ANKRD11: variants seen among roughly 807,000 people sequenced by gnomAD.
The protein encoded by ANKRD11 is ankyrin repeat domain-containing protein 11.
In ANKRD11, 17 loss-of-function variants were observed where a neutral mutation model predicts 195.7. That is an observed-to-expected ratio of 0.09 (90% CI 0.06 to 0.13). The LOEUF (loss-of-function observed/expected upper bound fraction) is 0.13. Among genes scored for constraint, ANKRD11 ranks in the 10% least tolerant of loss-of-function variants. ANKRD11 has a pLI of 1.00. For missense variants in ANKRD11, 3,735 were observed against 3,566.1 expected, an observed-to-expected ratio of 1.05 and a Z score of -1.21; for synonymous variants, 1,953 against 1,528.1, an observed-to-expected ratio of 1.28 and a Z score of -6.49.
intron 2 of ANKRD11, among the ~76,000 whole-genome samples, chr16:89,357,773 G>C (rs563965320): frequency 6.6e-6 from 1 of 152,344 alleles, no homozygotes; most frequent in African/African-American, 2.4e-5. Flanking sequence ...CCCTGAGGGA[G>C]GAGTCTGGGA....
rs940835746 is a variant in ANKRD11 at position 89,474,570 on chromosome 16, T to A, written c.-145+15675A>T. Among the ~76,000 whole-genome samples, 11 of 152,164 alleles carry A rather than the reference T, an allele frequency of 7.2e-5. 1 individual carries two copies. Among genetic ancestry groups the A allele is most frequent in the Non-Finnish European group, 1.6e-4 (11 of 68,022 alleles). ...CCTTCCATGCACAAATAATGACTGG[T>A]TGCCAGAAAGGCAGCACAGGTCACT... On this transcript the variant is annotated intron_variant, in intron 1 of 12. Transcript: ENST00000301030.
In ANKRD11 at chr16:89,280,504, G is replaced by A. The variant is rs745685018; in HGVS notation, c.6038C>T (p.Ala2013Val). 8 of 1,601,082 alleles carry A rather than the reference G, an allele frequency of 5.0e-6. No homozygotes were observed. Among genetic ancestry groups the A allele is most frequent in the African/African-American group, 1.3e-5 (1 of 74,646 alleles). Residue 2013 changes from alanine (A) to valine (V), a missense_variant, in exon 9 of 13, where the codon GCG becomes GTG. Ala to Val is a moderately conservative substitution (Grantham distance 64). Coordinates refer to ENST00000301030, the MANE Select transcript of ANKRD11 (RefSeq NM_013275.6). ...AGAGGCGGGAGGGGCGGGGTACGGC[G>A]CCTCCGAGGCGCTGAAGGGCCCTGG... ...AAPGPFSASEAPYPAPPASPA... is the reference protein window; with the variant it reads ...AAPGPFSASEVPYPAPPASPA...
intron 2 of ANKRD11, among the ~76,000 whole-genome samples, chr16:89,376,495 T>C (rs1479157519): frequency 6.6e-6 from 1 of 152,210 alleles, no homozygotes. Context: ...TGGAGTGCAG[T>C]GGCATGATCT....
At chr16:89,468,301 C>G (rs888094669) in intron 1 of ANKRD11, among the ~76,000 whole-genome samples, 4 of 152,158 alleles carry the variant, frequency 2.6e-5, no homozygotes, top group African/African-American at 9.7e-5. Context: ...ACCTTCTCAC[C>G]CACACCTGCA....
intron 1 of ANKRD11, among the ~76,000 whole-genome samples, chr16:89,427,829 T>G (rs2152260607): frequency 6.6e-6 from 1 of 151,572 alleles, no homozygotes; most frequent in Non-Finnish European, 1.5e-5. Flanking sequence ...TGATGCCAGG[T>G]TTTTCTAAAA....
In ANKRD11 at chr16:89,279,951, G is replaced by T; in HGVS notation, c.6591C>A (p.Thr2197=). 1 of 1,610,314 alleles carries T rather than the reference G, an allele frequency of 6.2e-7. No homozygotes were observed. The change falls in exon 9 of 13, where the codon ACC becomes ACA. Residue 2197 remains threonine, a synonymous_variant. Coordinates refer to ENST00000301030, the MANE Select transcript of ANKRD11 (RefSeq NM_013275.6). This position sits in a 1 kb window ranked among gnomAD's most constrained non-coding sequence, Gnocchi z 5.6. ...CAGGCTCGAGCTCTGCAGGGAGCCG[G>T]GTGGAGGCCTGGTCAGGAGGCAGTG... ...PPALPPDQAS[T]RLPAELEPEP...
At chr16:89,324,489 T>C (rs909362779) in intron 2 of ANKRD11, 2 of 456,424 alleles carry the variant, frequency 4.4e-6, no homozygotes, top group African/African-American at 2.0e-5. Context: ...GATGTGTAAC[T>C]GTTCCTGGGA....
At chr16:89,489,386 C>A (rs1741398957) in intron 1 of ANKRD11, among the ~76,000 whole-genome samples, 1 of 151,488 alleles carries the variant, frequency 6.6e-6, no homozygotes, top group Admixed American at 6.6e-5. Context: ...CCACCGCTTT[C>A]CTCCCAGCCA....
At chr16:89,479,359 G>A (rs566146006) in intron 1 of ANKRD11, among the ~76,000 whole-genome samples, 18 of 152,144 alleles carry the variant, frequency 1.2e-4, no homozygotes, top group African/African-American at 4.1e-4. Flanking sequence ...TAGGCCTGGC[G>A]CAGTGGCTCA....
At chr16:89,409,150 A>G (rs2042021218) in intron 2 of ANKRD11, among the ~76,000 whole-genome samples, 1 of 152,222 alleles carries the variant, frequency 6.6e-6, no homozygotes, top group African/African-American at 2.4e-5. Flanking sequence ...AGCAGAAAAC[A>G]GATTTTTTAG....
intron 2 of ANKRD11, among the ~76,000 whole-genome samples, chr16:89,336,292 C>T (rs894518524): frequency 3.9e-5 from 6 of 152,188 alleles, no homozygotes; most frequent in Non-Finnish European, 5.9e-5. Context: ...GGGGAGCAGC[C>T]ACCAAATGCA....
intron 1 of ANKRD11, 38 bp downstream of exon 1, chr16:89,490,207 G>GC (rs1286779434): frequency 1.3e-5 from 2 of 148,374 alleles, no homozygotes; most frequent in Admixed American, 6.8e-5. Flanking sequence ...CCCCGTGCCC[G>GC]CCCCGACCAC....
At chr16:89,347,550 G>A (rs190527736) in intron 2 of ANKRD11, among the ~76,000 whole-genome samples, 534 of 150,262 alleles carry the variant, frequency 3.6e-3, no homozygotes, top group Non-Finnish European at 5.6e-3. Context: ...GATGGAGGTT[G>A]CAGCGAGCCA....
intron 6 of ANKRD11, among the ~76,000 whole-genome samples, chr16:89,289,526 G>A (rs2034884929): frequency 6.6e-6 from 1 of 152,210 alleles, no homozygotes; most frequent in African/African-American, 2.4e-5. Context: ...GGTCTGGGGA[G>A]GCTCGCTCAG....
chr16:89,359,187 C>T (rs916862865), intron 2 of ANKRD11, among the ~76,000 whole-genome samples: 1 of 152,122 alleles, frequency 6.6e-6, no homozygotes, highest in East Asian at 1.9e-4. Context: ...AACAAGATCA[C>T]GGAAATGCGA....
At chr16:89,440,966 A>G (rs543953509) in intron 1 of ANKRD11, among the ~76,000 whole-genome samples, 1 of 152,196 alleles carries the variant, frequency 6.6e-6, no homozygotes, top group African/African-American at 2.4e-5. Flanking sequence ...GGCCAGACAC[A>G]GTGGCTCACG....
intron 1 of ANKRD11, among the ~76,000 whole-genome samples, chr16:89,451,410 A>ATT (rs1567823980): frequency 1.2e-5 from 1 of 86,500 alleles, no homozygotes; most frequent in Non-Finnish European, 2.6e-5. Context: ...TTCACAAATT[A>ATT]CTTTTTTTTT....
At chr16:89,318,734 C>T (rs764068659) in intron 2 of ANKRD11, among the ~76,000 whole-genome samples, 6 of 152,192 alleles carry the variant, frequency 3.9e-5, no homozygotes, top group African/African-American at 4.8e-5. Context: ...ATGATAAAAT[C>T]CCACCAACTG....
intron 1 of ANKRD11, among the ~76,000 whole-genome samples, chr16:89,479,486 T>G (rs542337663): frequency 1.3e-5 from 2 of 151,170 alleles, no homozygotes; most frequent in Non-Finnish European, 2.9e-5. Context: ...TACAAAAAAA[T>G]TAGCTGGGCT....
Sources: allele counts gnomAD v4.1 joint callset (sites outside exome capture counted in the v4.1 genomes callset), GRCh38; gene constraint gnomAD v4.1.1; non-coding constraint Gnocchi (gnomAD v3.1); transcripts MANE v1.5; gene names NCBI Gene and HGNC (gene_info 2026-07-23, HGNC 2026-07-21).